EYA4: variants seen among roughly 807,000 people sequenced by gnomAD.
EYA4 encodes the protein EYA transcriptional coactivator and phosphatase 4.
Under a neutral mutation model 87.9 loss-of-function variants are expected in EYA4, and 31 were observed. The observed-to-expected ratio is 0.35, with a 90% confidence interval of 0.27 to 0.48. The LOEUF (loss-of-function observed/expected upper bound fraction) is 0.48. EYA4 is among the 20% of genes least tolerant of loss of function. EYA4 has a pLI of 0.99. For synonymous variants in EYA4, 263 were observed against 270.6 expected (o/e 0.97, Z 0.28); for missense variants, 678 against 761.4 (o/e 0.89, Z 1.29).
At chr6:133,245,314 A>G (rs1375112044) in intron 1 of EYA4, 2 of 152,210 alleles carry the variant, frequency 1.3e-5, no homozygotes, top group East Asian at 3.9e-4. Flanking sequence ...GACGTTTTGA[A>G]TCCTCTCATT....
intron 3 of EYA4, among the ~76,000 whole-genome samples, chr6:133,407,283 T>C (rs538885361): frequency 3.8e-4 from 58 of 150,778 alleles, no homozygotes; most frequent in African/African-American, 1.4e-3. Flanking sequence ...AGGAAACGTA[T>C]TTATCGAAAG....
At chr6:133,358,774 A>T (rs1412326189) in intron 2 of EYA4, among the ~76,000 whole-genome samples, 1 of 152,256 alleles carries the variant, frequency 6.6e-6, no homozygotes, top group Non-Finnish European at 1.5e-5. Context: ...TAGTAGGAAG[A>T]CACGCACTCA....
At chr6:133,264,654 C>CT (rs1213945803) in intron 1 of EYA4, among the ~76,000 whole-genome samples, 1 of 152,210 alleles carries the variant, frequency 6.6e-6, no homozygotes, top group Non-Finnish European at 1.5e-5. Flanking sequence ...GCTTTGATGA[C>CT]TGGCTATGCC....
At chr6:133,332,362 A>G (rs1031128764) in intron 2 of EYA4, among the ~76,000 whole-genome samples, 4 of 152,190 alleles carry the variant, frequency 2.6e-5, no homozygotes, top group Admixed American at 2.0e-4. Context: ...AAACTCTGAA[A>G]TCTTTAACAA....
chr6:133,347,012 G>A (rs1783246528), intron 2 of EYA4, among the ~76,000 whole-genome samples: 1 of 152,214 alleles, frequency 6.6e-6, no homozygotes, highest in African/African-American at 2.4e-5. Context: ...TTTCTGGAGA[G>A]AGAGTTTATC....
intron 4 of EYA4, among the ~76,000 whole-genome samples, chr6:133,447,716 C>G (rs1325936999): frequency 6.6e-6 from 1 of 152,120 alleles, no homozygotes; most frequent in African/African-American, 2.4e-5. Context: ...ATGTTTTACA[C>G]CAGTTCCCTT....
chr6:133,515,711 A>G (rs1441963416), intron 17 of EYA4, among the ~76,000 whole-genome samples: 1 of 151,536 alleles, frequency 6.6e-6, no homozygotes, highest in Admixed American at 6.6e-5. Flanking sequence ...CTATCTCACC[A>G]CCCATCTCTT....
At chr6:133,249,411 A>G (rs1164559453) in intron 1 of EYA4, among the ~76,000 whole-genome samples, 2 of 152,188 alleles carry the variant, frequency 1.3e-5, no homozygotes, top group Non-Finnish European at 2.9e-5. Context: ...TCCCTAAGAT[A>G]TTCAACCACA....
At chr6:133,472,355 A>G (rs1795345330) in intron 11 of EYA4, among the ~76,000 whole-genome samples, 1 of 94,834 alleles carries the variant, frequency 1.1e-5, no homozygotes, top group Non-Finnish European at 2.0e-5. Flanking sequence ...TTATGTACCC[A>G]GTAGTCATTC....
intron 2 of EYA4, among the ~76,000 whole-genome samples, chr6:133,355,589 G>T (rs1783955637): frequency 6.6e-6 from 1 of 152,158 alleles, no homozygotes; most frequent in African/African-American, 2.4e-5. Context: ...AATGATTGCA[G>T]TTTCCTGGGG....
intron 3 of EYA4, among the ~76,000 whole-genome samples, chr6:133,423,320 C>T (rs995858174): frequency 6.6e-6 from 1 of 152,132 alleles, no homozygotes; most frequent in African/African-American, 2.4e-5. Flanking sequence ...ACCGGTGTTA[C>T]AGTTAGTAGT....
At chr6:133,388,105 G>T (rs1205153796) in intron 3 of EYA4, among the ~76,000 whole-genome samples, 4 of 152,036 alleles carry the variant, frequency 2.6e-5, no homozygotes, top group African/African-American at 7.3e-5. Flanking sequence ...AGTGATAATT[G>T]CAGCTTTAAA....
At chr6:133,246,142 C>CT (rs1351158786) in intron 1 of EYA4, among the ~76,000 whole-genome samples, 3 of 152,072 alleles carry the variant, frequency 2.0e-5, no homozygotes, top group Non-Finnish European at 4.4e-5. Flanking sequence ...TCACTGTAAC[C>CT]TTTTTTGTCA....
At position 133,512,779 on chromosome 6, in the gene EYA4, G is replaced by T. The variant is rs1799269218; in HGVS notation, c.1340G>T (p.Ser447Ile). ...TCTGATGATAATGGGCAGGACTTAA[G>T]GTAAGCTATGCCTTTCAGTATGCTG... is the stretch of plus-strand genomic sequence containing the variant. ...VSSDDNGQDL[S>I]TYSFATDGFH... The change falls in exon 15 of 20, where the codon AGT becomes ATT. Residue 447 changes from serine to isoleucine, a missense_variant and splice_region_variant. By Grantham distance (142) the Ser-to-Ile change is moderately radical. Transcript: ENST00000355286. The T allele has an allele frequency of 1.2e-6, 2 of 1,612,316 alleles. No homozygotes were observed. Among genetic ancestry groups the T allele is most frequent in the African/African-American group, 2.7e-5 (2 of 74,916 alleles).
Position 133,468,591 on chromosome 6 carries a change from G to T in EYA4, c.830G>T (p.Gly277Val), listed in dbSNP as rs1354173304. 1 of 1,612,088 alleles carries T rather than the reference G, an allele frequency of 6.2e-7. No homozygotes were observed. Among genetic ancestry groups the T allele is most frequent in the Non-Finnish European group, 8.5e-7 (1 of 1,178,716 alleles). ...QQDYPSYTAF[G>V]QNQYAQYYSA... ...GATTATCCATCCTATACAGCCTTTGGCCAAAACCAGTATGCACAGTATTAT... is the reference window on the plus strand; with the variant it reads ...GATTATCCATCCTATACAGCCTTTGTCCAAAACCAGTATGCACAGTATTAT... The change falls in exon 11 of 20, where the codon GGC becomes GTC. Residue 277 changes from glycine (G) to valine (V), a missense_variant. Coordinates refer to ENST00000355286, the MANE Select transcript of EYA4 (RefSeq NM_004100.5).
intron 17 of EYA4, among the ~76,000 whole-genome samples, chr6:133,520,003 C>G (rs1046927618): frequency 1.3e-5 from 2 of 151,982 alleles, no homozygotes; most frequent in African/African-American, 4.8e-5. Context: ...TAAGAGCTAT[C>G]TATGACAAAC....
At chr6:133,332,551 T>C in intron 2 of EYA4, among the ~76,000 whole-genome samples, 1 of 152,086 alleles carries the variant, frequency 6.6e-6, no homozygotes, top group Non-Finnish European at 1.5e-5. Flanking sequence ...CTTTCTTTTT[T>C]TTTGAGACCA....
intron 11 of EYA4, among the ~76,000 whole-genome samples, chr6:133,476,080 G>A (rs2128694106): frequency 6.6e-6 from 1 of 152,222 alleles, no homozygotes; most frequent in African/African-American, 2.4e-5. Context: ...CGTAATCTCA[G>A]CTACTCTGGA....
chr6:133,463,162 A>T (rs1477630208), intron 9 of EYA4, among the ~76,000 whole-genome samples: 1 of 151,650 alleles, frequency 6.6e-6, no homozygotes, highest in African/African-American at 2.4e-5. Flanking sequence ...ACTTGAATTA[A>T]CTCTTTTCTA....
Sources: allele counts gnomAD v4.1 joint callset (sites outside exome capture counted in the v4.1 genomes callset), GRCh38; gene constraint gnomAD v4.1.1; transcripts MANE v1.5; gene names NCBI Gene and HGNC (gene_info 2026-07-23, HGNC 2026-07-21).